Variants in MYO15A observed in about 807,000 individuals in gnomAD.
The protein encoded by MYO15A is myosin XVA, also known as unconventional myosin-XV.
MYO15A carries 308 observed loss-of-function variants against 394.6 expected under a neutral mutation model. That is an observed-to-expected ratio of 0.78 (90% CI 0.71 to 0.86). The LOEUF (loss-of-function observed/expected upper bound fraction) is 0.86, where lower values mean the gene tolerates loss of function less well. MYO15A is among the 40% of genes least tolerant of loss of function. The probability of loss-of-function intolerance (pLI) is 0.00; values close to 1 mark genes in which losing one functional copy is unlikely to be tolerated. For synonymous variants in MYO15A, 1,957 were observed against 2,003.8 expected (o/e 0.98, Z 0.62); for missense variants, 4,606 against 4,799.1 (o/e 0.96, Z 1.19).
At chr17:18,176,132 ATTTG>A (rs1377409166) in intron 65 of MYO15A, among the ~76,000 whole-genome samples, 1 of 152,048 alleles carries the variant, frequency 6.6e-6, no homozygotes, top group Non-Finnish European at 1.5e-5. Context: ...TCATTTAGTT[ATTTG>A]TTTATGTATT....
At chr17:18,129,200 G>C (rs1465200899) in intron 7 of MYO15A, among the ~76,000 whole-genome samples, 4 of 152,174 alleles carry the variant, frequency 2.6e-5, no homozygotes, top group African/African-American at 9.7e-5. Context: ...GTCCTCACTG[G>C]AGCCAACCAC....
rs764510862 is a variant in MYO15A, at chr17:18,148,965, G to T, written c.6956+13G>T. 5 of 1,577,134 alleles carry T rather than the reference G, an allele frequency of 3.2e-6. No individual in the cohort carries two copies. In the Admixed American group the frequency reaches 9.1e-5, roughly 29 times the overall value. On this transcript the variant is annotated intron_variant, in intron 33 of 65. Coordinates refer to ENST00000647165, the MANE Select transcript of MYO15A (RefSeq NM_016239.4). This position sits in a 1 kb window ranked among gnomAD's most constrained non-coding sequence, Gnocchi z 4.8. ...GAGGCCCCAAAGTGTAGGTAGCTAT[G>T]GGGGACCCCCTCACAGATGGCCACT...
At chr17:18,125,497 A>G in intron 4 of MYO15A, 2 of 471,388 alleles carry the variant, frequency 4.2e-6, no homozygotes, top group Non-Finnish European at 7.8e-6. Flanking sequence ...GATCGAGACC[A>G]TCCTGGTTAA....
chr17:18,177,516 TGGA>T (rs1376872597), intron 65 of MYO15A: 4 of 152,228 alleles, frequency 2.6e-5, no homozygotes, highest in Admixed American at 2.6e-4. Context: ...AAGGATTGGC[TGGA>T]GGAGAAGACT....
Position 18,124,581 on chromosome 17 carries a change from C to T in MYO15A, c.3692+16C>T, listed in dbSNP as rs757653521. Reference sequence around the variant, plus strand: ...CACAGCTGGAGTGAGTGGGCAGGGCCGGCGGGGTCAGCAAGGGGTCACCAT... The same window carrying T: ...CACAGCTGGAGTGAGTGGGCAGGGCTGGCGGGGTCAGCAAGGGGTCACCAT... On this transcript the variant is annotated intron_variant, in intron 3 of 65. Transcript: ENST00000647165. 15 of 1,611,894 alleles carry T rather than the reference C, an allele frequency of 9.3e-6. No individual in the cohort carries two copies. The highest frequency in any genetic ancestry group is 1.1e-5 in the South Asian group (1 of 90,966).
At chr17:18,110,777 C>G (rs533842196) in intron 1 of MYO15A, among the ~76,000 whole-genome samples, 1 of 152,346 alleles carries the variant, frequency 6.6e-6, no homozygotes, top group East Asian at 1.9e-4. Flanking sequence ...ACCCTGGCCA[C>G]CTCTCATTTC....
intron 1 of MYO15A, chr17:18,109,764 CG>C: frequency 6.6e-6 from 1 of 152,336 alleles, no homozygotes; most frequent in Non-Finnish European, 1.5e-5. Context: ...TGCAGCCTCC[CG>C]GGGGTAGTAT....
rs749875571 is a variant in MYO15A, at chr17:18,154,170, C to T, written c.8128C>T (p.Leu2710Phe). 6.2e-7 allele frequency: 1 copy of T among 1,613,992 alleles called. No individual in the cohort carries two copies. Among genetic ancestry groups the T allele is most frequent in the Non-Finnish European group, 8.5e-7 (1 of 1,180,050 alleles). Residue 2710 changes from leucine to phenylalanine, a missense_variant, in exon 44 of 66, where the codon CTT becomes TTT. Physicochemically the swap from Leu to Phe is conservative, Grantham distance 22. This residue lies in a region of MYO15A where 2,776 missense variants were observed against 3,109.3 expected (regional missense o/e 0.89). Transcript: ENST00000647165. ...GGACAGCTACAGCCATCCTGTGCAG[C>T]TTGACCTCCTGTTCCGGCAGGTGAG... is the stretch of plus-strand genomic sequence containing the variant. ...PKDSYSHPVQ[L>F]DLLFRQILHD...
rs2046619789 is a variant in MYO15A, at chr17:18,153,514, TG to T, written c.7967-259del. The T allele has an allele frequency of 5.7e-6, 1 of 176,374 alleles. No individual in the cohort carries two copies. Among genetic ancestry groups the T allele is most frequent in the Non-Finnish European group, 1.2e-5 (1 of 86,794 alleles). 10.9% of individuals were successfully genotyped at this position (176,374 alleles called of 1,614,324 possible). On this transcript the variant is annotated intron_variant, in intron 42 of 65. Transcript: ENST00000647165. This position sits in a 1 kb window ranked among gnomAD's most constrained non-coding sequence, Gnocchi z 4.1. ...GAATTTGAGACTAGCCGGCCCAACA[TG>T]GCGAAACCCCATCTCTACTAAACAT...
chr17:18,139,256 G>A, intron 18 of MYO15A: 1 of 605,910 alleles, frequency 1.7e-6, no homozygotes, highest in Non-Finnish European at 3.0e-6. Flanking sequence ...TTCCTGCCCT[G>A]GAGGTGTCTC....
rs1215744215 is a variant in MYO15A at position 18,140,796 on chromosome 17, C to G, written c.5370C>G (p.Pro1790=). 1 of 1,614,188 alleles carries G rather than the reference C, an allele frequency of 6.2e-7. No homozygotes were observed. The highest frequency in any genetic ancestry group is 8.5e-7 in the Non-Finnish European group (1 of 1,180,046). Residue 1790 remains proline (P), a synonymous_variant, in exon 21 of 66, where the codon CCC becomes CCG. Transcript: ENST00000647165. ...DLVEKMERCN[P]LFMRCLKPNH... ...TTCCTGCCACTGCCAGGTGCAACCCCTTGTTCATGCGTTGCCTGAAGCCCA... is the reference window on the plus strand; with the variant it reads ...TTCCTGCCACTGCCAGGTGCAACCCGTTGTTCATGCGTTGCCTGAAGCCCA...
chr17:18,158,531 A>T lies in MYO15A; in HGVS notation c.8976A>T (p.Pro2992=). The T allele has an allele frequency of 6.2e-7, 1 of 1,614,066 alleles. No homozygotes were observed. Among genetic ancestry groups the T allele is most frequent in the South Asian group, 1.1e-5 (1 of 91,086 alleles). ...QEVGRRREGP[P]VRARSADHGE... Reference sequence around the variant, plus strand: ...CTCCGCCTCTTCTGCAGGGTCCCCCAGTCAGGGCCCGCTCTGCTGACCATG... The same window carrying T: ...CTCCGCCTCTTCTGCAGGGTCCCCCTGTCAGGGCCCGCTCTGCTGACCATG... The change falls in exon 52 of 66, where the codon CCA becomes CCT. Residue 2992 remains proline, a synonymous_variant. Transcript: ENST00000647165.
At chr17:18,163,999 G>A (rs1473595109) in intron 60 of MYO15A, 161 bp downstream of exon 60, 6 of 724,944 alleles carry the variant, frequency 8.3e-6, no homozygotes, top group Non-Finnish European at 1.5e-5. Context: ...TACCAAGCAC[G>A]CCCAGCCCTT....
Position 18,158,504 on chromosome 17 carries a change from A to G in MYO15A, c.8968-19A>G, listed in dbSNP as rs202190217. 3 of 1,611,020 alleles carry G rather than the reference A, an allele frequency of 1.9e-6. No individual in the cohort carries two copies. In the East Asian group the frequency reaches 6.7e-5, roughly 36 times the overall value. On this transcript the variant is annotated intron_variant, in intron 51 of 65. Transcript: ENST00000647165. Reference sequence around the variant, plus strand: ...TGGTGTGGCCGGACTGGGCCTTCCTAGCTCCGCCTCTTCTGCAGGGTCCCC... The same window carrying G: ...TGGTGTGGCCGGACTGGGCCTTCCTGGCTCCGCCTCTTCTGCAGGGTCCCC...
rs2046365421 is a variant in MYO15A, at chr17:18,140,825, A to G, written c.5399A>G (p.His1800Arg). The change falls in exon 21 of 66, where the codon CAC becomes CGC. Residue 1800 changes from histidine to arginine, a missense_variant. His to Arg is a conservative substitution (Grantham distance 29, BLOSUM62 0). Transcript: ENST00000647165. ...TTCATGCGTTGCCTGAAGCCCAACC[A>G]CAAGAAGGTGAGTGAGAGCTGAGGC... ...PLFMRCLKPN[H>R]KKEPGLFEPD... 1.2e-6 allele frequency: 2 copies of G among 1,614,010 alleles called. No individual in the cohort carries two copies. The highest frequency in any genetic ancestry group is 2.7e-5 in the African/African-American group (2 of 74,934).
rs1335858531 is a variant in MYO15A, at chr17:18,159,016, C to T, written c.9156+19C>T. The stretch of plus-strand genomic sequence containing the variant: ...CACCAAGGTGTCCAGTCCCGGACCT[C>T]AGTTTCCCCATCTGTAAAATGGTGA... On this transcript the variant is annotated intron_variant, in intron 53 of 65. Coordinates refer to ENST00000647165, the MANE Select transcript of MYO15A (RefSeq NM_016239.4). 3.1e-6 allele frequency: 5 copies of T among 1,612,308 alleles called. No homozygotes were observed. Among genetic ancestry groups the T allele is most frequent in the Non-Finnish European group, 4.2e-6 (5 of 1,179,096 alleles).
rs2046272417 is a variant in MYO15A, at chr17:18,136,413, C to T, written c.4597-4C>T. On this transcript the variant is annotated splice_polypyrimidine_tract_variant and splice_region_variant and intron_variant, in intron 13 of 65. Transcript: ENST00000647165. ...TGTCACTCAAGGGCTGTGCCCGTCC[C>T]TAGGAGACAATGCGAGAGAAGATCT... The T allele has an allele frequency of 6.2e-7, 1 of 1,613,622 alleles. No individual in the cohort carries two copies. Among genetic ancestry groups the T allele is most frequent in the Admixed American group, 1.7e-5 (1 of 60,012 alleles).
rs1384341908 is a variant in MYO15A, at chr17:18,144,556, C to T, written c.6237C>T (p.Ala2079=). 23 of 1,613,012 alleles carry T rather than the reference C, an allele frequency of 1.4e-5. No homozygotes were observed. In the South Asian group the frequency reaches 1.9e-4, roughly 13 times the overall value. ...PLRTPLTQLP[A]EHHAEAVSIF... ...GGACACCCCTCACGCAGCTGCCAGCCGAGCACCATGCAGAAGCCGTGAGCA... is the reference window on the plus strand; with the variant it reads ...GGACACCCCTCACGCAGCTGCCAGCTGAGCACCATGCAGAAGCCGTGAGCA... Residue 2079 remains alanine, a synonymous_variant, in exon 29 of 66, where the codon GCC becomes GCT. Transcript: ENST00000647165.
At chr17:18,136,711 G>A (rs776512760) in intron 15 of MYO15A, 25 bp downstream of exon 15, 8 of 1,574,698 alleles carry the variant, frequency 5.1e-6, no homozygotes, top group Non-Finnish European at 6.9e-6. Context: ...GAGGCTGAGG[G>A]GCGGGGGACA....
Sources: allele counts gnomAD v4.1 joint callset (sites outside exome capture counted in the v4.1 genomes callset), GRCh38; gene constraint gnomAD v4.1.1; regional missense constraint gnomAD v4.1.1; non-coding constraint Gnocchi (gnomAD v3.1); transcripts MANE v1.5; gene names NCBI Gene and HGNC (gene_info 2026-07-23, HGNC 2026-07-21).